The following CNTN5 variants were observed in gnomAD, a reference collection of about 807,000 sequenced individuals.
CNTN5 encodes contactin-5.
Under a neutral mutation model 129.1 loss-of-function variants are expected in CNTN5, and 77 were observed. The ratio of observed to expected loss-of-function variants is 0.60; its 90% CI spans 0.50 to 0.72. The LOEUF is 0.72. CNTN5 is among the 30% of genes least tolerant of loss of function. CNTN5 has a pLI of 0.00. For missense variants in CNTN5, 1,478 were observed against 1,328.8 expected, an observed-to-expected ratio of 1.11 and a Z score of -1.75; for synonymous variants, 509 against 465.6, an observed-to-expected ratio of 1.09 and a Z score of -1.20.
At chr11:99,693,130 TCTAG>T (rs1398060585) in intron 3 of CNTN5, among the ~76,000 whole-genome samples, 1 of 152,188 alleles carries the variant, frequency 6.6e-6, no homozygotes, top group Admixed American at 6.5e-5. Context: ...AATATGTACT[TCTAG>T]CTATTTTTGA....
At chr11:99,459,386 C>T (rs1297399630) in intron 2 of CNTN5, among the ~76,000 whole-genome samples, 1 of 151,864 alleles carries the variant, frequency 6.6e-6, no homozygotes, top group East Asian at 1.9e-4. Flanking sequence ...TGACTCTCTT[C>T]CCTAAATATT....
At chr11:99,889,317 TGTGTGTGTGTGTGTGTG>T (rs1948987880) in intron 6 of CNTN5, among the ~76,000 whole-genome samples, 5 of 132,794 alleles carry the variant, frequency 3.8e-5, no homozygotes, top group East Asian at 4.3e-4. Flanking sequence ...TGTGTGTGTG[TGTGTGTGTGTGTGTGTG>T]TGTGTGTGTG....
At chr11:99,117,065 C>G (rs181624984) in intron 1 of CNTN5, among the ~76,000 whole-genome samples, 8 of 151,960 alleles carry the variant, frequency 5.3e-5, no homozygotes, top group Admixed American at 4.6e-4. Flanking sequence ...GAGAGGAAAA[C>G]CAGTAAAGAA....
intron 13 of CNTN5, among the ~76,000 whole-genome samples, chr11:100,161,974 T>G (rs1470591779): frequency 6.6e-6 from 1 of 151,766 alleles, no homozygotes; most frequent in East Asian, 1.9e-4. Flanking sequence ...AGTCATCTTC[T>G]CTAATGGAAC....
intron 18 of CNTN5, among the ~76,000 whole-genome samples, chr11:100,293,241 C>T (rs1250998219): frequency 1.3e-5 from 2 of 151,810 alleles, no homozygotes; most frequent in Admixed American, 6.6e-5. Context: ...TTTGTACACT[C>T]ACCTCCTATC....
chr11:100,082,092 C>G (rs750440043), intron 13 of CNTN5, among the ~76,000 whole-genome samples: 3 of 151,294 alleles, frequency 2.0e-5, no homozygotes, highest in South Asian at 2.1e-4. Flanking sequence ...GAATCATCAT[C>G]ATGCTTAAGT....
intron 16 of CNTN5, among the ~76,000 whole-genome samples, chr11:100,251,947 G>A (rs139805126): frequency 1.9e-4 from 29 of 152,094 alleles, no homozygotes; most frequent in Admixed American, 5.2e-4. Flanking sequence ...GTGGAATTGC[G>A]GGATCACATG....
intron 15 of CNTN5, among the ~76,000 whole-genome samples, chr11:100,222,915 A>C (rs1349059542): frequency 6.6e-6 from 1 of 152,150 alleles, no homozygotes; most frequent in Admixed American, 6.5e-5. Flanking sequence ...AATATAAAAA[A>C]GCTCATTCAT....
rs182518924 is a variant in CNTN5 at position 99,975,292 on chromosome 11, C to T, written c.877+18283C>T. On this transcript the variant is annotated intron_variant, in intron 8 of 24. Transcript: ENST00000524871. ...TCATTGGAGATTATTTTGGAGCTTA[C>T]GTTTTAATGACTGCCTGGCTCGTTT... Among the ~76,000 whole-genome samples the T allele has an allele frequency of 1.5e-3, 232 of 152,250 alleles. 4 individuals carry two copies. The highest frequency in any genetic ancestry group is 0.011 in the Admixed American group (165 of 15,284).
intron 21 of CNTN5, among the ~76,000 whole-genome samples, chr11:100,328,970 G>A (rs767632921): frequency 6.6e-6 from 1 of 152,126 alleles, no homozygotes; most frequent in Non-Finnish European, 1.5e-5. Flanking sequence ...AGCTCCTTGA[G>A]ATGCTAAAAA....
intron 1 of CNTN5, among the ~76,000 whole-genome samples, chr11:99,205,159 A>AAT (rs34600507): frequency 5.3e-5 from 7 of 131,092 alleles, no homozygotes; most frequent in African/African-American, 1.8e-4. Context: ...GACAAACTCA[A>AAT]TAAGCAAACA....
At chr11:99,951,286 A>G (rs1410723290) in intron 7 of CNTN5, among the ~76,000 whole-genome samples, 1 of 151,394 alleles carries the variant, frequency 6.6e-6, no homozygotes, top group Non-Finnish European at 1.5e-5. Context: ...AAAAAACATG[A>G]AAAGTATGTG....
intron 8 of CNTN5, among the ~76,000 whole-genome samples, chr11:99,972,322 G>C (rs1054950748): frequency 2.8e-4 from 38 of 135,344 alleles, no homozygotes; most frequent in African/African-American, 1.1e-3. Flanking sequence ...TCATACTTCA[G>C]ATCTGCCCAG....
At chr11:99,650,112 C>T (rs1952098908) in intron 3 of CNTN5, among the ~76,000 whole-genome samples, 1 of 151,826 alleles carries the variant, frequency 6.6e-6, no homozygotes, top group South Asian at 2.1e-4. Flanking sequence ...AAAATGAAAG[C>T]TACTTCTGTA....
rs535738351 is a variant in CNTN5, at chr11:99,411,539, CA to C, written c.-71+86061del. Among the ~76,000 whole-genome samples the C allele has an allele frequency of 3.6e-4, 54 of 149,232 alleles. No homozygotes were observed. The East Asian group carries it at 7.0e-3, about 19-fold the overall frequency. On this transcript the variant is annotated intron_variant, in intron 2 of 24. Transcript: ENST00000524871. Reference sequence around the variant, plus strand: ...TGTCTCAAAAATAAATAAATAAATACAAAAAATTTTTTTAAAAAAATTAGAA... The same window carrying C: ...TGTCTCAAAAATAAATAAATAAATACAAAAATTTTTTTAAAAAAATTAGAA...
At chr11:99,186,683 T>C (rs578221818) in intron 1 of CNTN5, among the ~76,000 whole-genome samples, 2 of 152,080 alleles carry the variant, frequency 1.3e-5, no homozygotes, top group African/African-American at 4.8e-5. Flanking sequence ...TCTAAGGAGA[T>C]AACATTGACA....
chr11:99,330,108 T>A (rs1591531381), intron 2 of CNTN5, among the ~76,000 whole-genome samples: 6 of 99,782 alleles, frequency 6.0e-5, no homozygotes, highest in South Asian at 3.2e-4. Flanking sequence ...AAGAAGTACA[T>A]CAGGAAAGAA....
chr11:100,176,083 C>T (rs7938167), intron 13 of CNTN5, among the ~76,000 whole-genome samples: 4,694 of 152,040 alleles, frequency 0.031, 242 homozygotes, highest in African/African-American at 0.11. Context: ...GCAGTGGCTC[C>T]ATCTTGGCTC....
chr11:99,619,430 G>A (rs1042509278), intron 3 of CNTN5, among the ~76,000 whole-genome samples: 1 of 151,862 alleles, frequency 6.6e-6, no homozygotes, highest in African/African-American at 2.4e-5. Flanking sequence ...ACCTAAAATT[G>A]ACCATTTTAT....
Sources: gnomAD v4.1 joint callset for allele counts (sites outside exome capture counted in the v4.1 genomes callset) on GRCh38, gnomAD v4.1.1 for gene constraint, MANE v1.5 for transcripts, NCBI Gene and HGNC (gene_info 2026-07-23, HGNC 2026-07-21) for gene names.